Variants in PCDHA10 observed in about 807,000 individuals in gnomAD.
PCDHA10 encodes protocadherin alpha 10, also known as protocadherin alpha-10.
Under a neutral mutation model 61.2 loss-of-function variants are expected in PCDHA10, and 45 were observed. The observed-to-expected ratio is 0.74, with a 90% CI of 0.58 to 0.94. PCDHA10 has a LOEUF of 0.94. PCDHA10 is among the 40% of genes least tolerant of loss of function. The pLI, the probability that PCDHA10 is intolerant of heterozygous loss-of-function variation, is 0.00. For missense variants in PCDHA10, 1,278 were observed against 1,236.2 expected (o/e 1.03, Z -0.51); for synonymous variants, 602 against 548.8 (o/e 1.10, Z -1.35).
At chr5:140,911,066 A>C (rs1166409987) in intron 1 of PCDHA10, among the ~76,000 whole-genome samples, 1 of 152,042 alleles carries the variant, frequency 6.6e-6, no homozygotes, top group Non-Finnish European at 1.5e-5. Flanking sequence ...GTGGGTCCTG[A>C]GGAGAATCAA....
chr5:140,939,466 AT>A (rs1364092543), intron 1 of PCDHA10, among the ~76,000 whole-genome samples: 31 of 152,168 alleles, frequency 2.0e-4, no homozygotes, highest in African/African-American at 7.5e-4. Flanking sequence ...TAGGCCTAGA[AT>A]TCTCTTCATG....
intron 1 of PCDHA10, chr5:140,868,630 T>G (rs1440809892): frequency 6.5e-6 from 1 of 154,578 alleles, no homozygotes; most frequent in Non-Finnish European, 1.4e-5. Context: ...CTGAATTCTC[T>G]TTCTCTCTCA....
In PCDHA10 at chr5:140,857,857, C is replaced by A. The variant is rs1415276512; in HGVS notation, c.1809C>A (p.Asn603Lys). 6.3e-7 allele frequency: 1 copy of A among 1,597,670 alleles called. No individual in the cohort carries two copies. The highest frequency in any genetic ancestry group is 8.6e-7 in the Non-Finnish European group (1 of 1,167,566). ...VRAVDADSGY[N>K]AWLSYELQSA... is the part of the protein sequence containing the mutation. The stretch of plus-strand genomic sequence containing the variant: ...CAGTGGACGCTGACTCTGGATACAA[C>A]GCGTGGCTGTCGTATGAATTGCAGT... Residue 603 changes from asparagine to lysine, a missense_variant, in exon 1 of 4, where the codon AAC becomes AAA. By Grantham distance (94) the Asn-to-Lys change is moderately conservative. Transcript: ENST00000307360.
intron 1 of PCDHA10, among the ~76,000 whole-genome samples, chr5:140,951,512 C>T (rs2094592870): frequency 6.6e-6 from 1 of 152,004 alleles, no homozygotes; most frequent in Non-Finnish European, 1.5e-5. Context: ...GAAAGCGGCT[C>T]ATCTTACATG....
rs185567567 is a variant in PCDHA10, at chr5:140,888,396, T to C, written c.2388+29960T>C. 3.4e-3 allele frequency among the ~76,000 whole-genome samples: 514 copies of C among 152,282 alleles called. 3 individuals are homozygous for C. The highest frequency in any genetic ancestry group is 0.014 in the Middle Eastern group (4 of 294). On this transcript the variant is annotated intron_variant, in intron 1 of 3. Coordinates refer to ENST00000307360, the MANE Select transcript of PCDHA10 (RefSeq NM_018901.4). The stretch of plus-strand genomic sequence containing the variant: ...AGCTCTGAGATGCTGCTAAACACCA[T>C]CCAATTGCTGCCAAACATCCTACCG...
chr5:140,870,395 C>T (rs1554164197), intron 1 of PCDHA10: 1 of 1,614,218 alleles, frequency 6.2e-7, no homozygotes, highest in South Asian at 1.1e-5. Context: ...GATGGGGGTT[C>T]GCCTTCTCTG....
intron 3 of PCDHA10, among the ~76,000 whole-genome samples, chr5:141,000,775 C>G (rs919489031): frequency 5.3e-5 from 8 of 151,752 alleles, no homozygotes; most frequent in African/African-American, 1.9e-4. Context: ...GGCATAGTGG[C>G]GCACACCTGT....
At chr5:140,976,566 A>C (rs2096723160) in intron 1 of PCDHA10, among the ~76,000 whole-genome samples, 2 of 152,098 alleles carry the variant, frequency 1.3e-5, no homozygotes, top group African/African-American at 4.8e-5. Flanking sequence ...TAAATAAATA[A>C]ATATAAATAA....
Position 140,988,156 on chromosome 5 carries a change from C to T in PCDHA10, c.2536+5593C>T, listed in dbSNP as rs546335543. Among the ~76,000 whole-genome samples, 7 of 152,172 alleles carry T rather than the reference C, an allele frequency of 4.6e-5. No individual in the cohort carries two copies. The South Asian group carries it at 1.5e-3, about 32-fold the overall frequency. On this transcript the variant is annotated intron_variant, in intron 3 of 3. Coordinates refer to ENST00000307360, the MANE Select transcript of PCDHA10 (RefSeq NM_018901.4). ...TAACCTGTTCAACCTCAACTTCTGCCGTTGTCATAGCAATGACAGTCCTGG... is the reference window on the plus strand; with the variant it reads ...TAACCTGTTCAACCTCAACTTCTGCTGTTGTCATAGCAATGACAGTCCTGG...
chr5:141,000,365 C>CTG (rs2097904906), intron 3 of PCDHA10, among the ~76,000 whole-genome samples: 2 of 12,832 alleles, frequency 1.6e-4, no homozygotes, highest in Non-Finnish European at 2.6e-4. Flanking sequence ...CTCTCTGTCT[C>CTG]TCTCTCTCTC....
chr5:140,922,786 G>A (rs1397049612), intron 1 of PCDHA10, among the ~76,000 whole-genome samples: 2 of 152,198 alleles, frequency 1.3e-5, no homozygotes, highest in African/African-American at 4.8e-5. Context: ...AGAGAAAACT[G>A]TAGCTTTGGA....
chr5:140,876,259 C>T (rs1554168431), intron 1 of PCDHA10: 7 of 1,613,952 alleles, frequency 4.3e-6, no homozygotes, highest in South Asian at 1.1e-5. Flanking sequence ...AAGAGTGATC[C>T]AACTAAATGC....
At chr5:140,967,749 C>T (rs1554229896) in intron 1 of PCDHA10, 1 of 1,614,172 alleles carries the variant, frequency 6.2e-7, no homozygotes, top group African/African-American at 1.3e-5. Context: ...TATGAGGAAG[C>T]CTCCTCCTAC....
intron 1 of PCDHA10, among the ~76,000 whole-genome samples, chr5:140,908,402 T>C (rs2073951162): frequency 6.6e-6 from 1 of 152,166 alleles, no homozygotes; most frequent in Non-Finnish European, 1.5e-5. Flanking sequence ...TATATACCAC[T>C]TCCATTTGAT....
intron 1 of PCDHA10, chr5:140,877,232 C>A: frequency 6.2e-6 from 10 of 1,613,680 alleles, no homozygotes; most frequent in Non-Finnish European, 7.6e-6. Context: ...TCGGTGGGTG[C>A]GGGCCACGTG....
intron 1 of PCDHA10, chr5:140,882,426 G>A (rs148335988): frequency 6.1e-5 from 99 of 1,613,954 alleles, no homozygotes; most frequent in Non-Finnish European, 7.9e-5. Context: ...CAGGACCTGG[G>A]GCTGGAGCTG....
chr5:140,862,898 CTG>C, intron 1 of PCDHA10: 2 of 555,934 alleles, frequency 3.6e-6, no homozygotes, highest in Non-Finnish European at 3.5e-6. Context: ...ACAACTTTGT[CTG>C]CGCTGCTGGC....
At chr5:140,926,494 C>T (rs565938693) in intron 1 of PCDHA10, 46 of 181,758 alleles carry the variant, frequency 2.5e-4, no homozygotes, top group African/African-American at 1.0e-3. Flanking sequence ...GTGTTAGTGT[C>T]TCGGGGCGTC....
intron 1 of PCDHA10, among the ~76,000 whole-genome samples, chr5:140,903,417 T>C (rs1583492047): frequency 6.6e-6 from 1 of 152,200 alleles, no homozygotes; most frequent in Non-Finnish European, 1.5e-5. Flanking sequence ...CAGGAAAAAT[T>C]CAGCACAATA....
Sources: gnomAD v4.1 joint callset for allele counts (sites outside exome capture counted in the v4.1 genomes callset) on GRCh38, gnomAD v4.1.1 for gene constraint, MANE v1.5 for transcripts, NCBI Gene and HGNC (gene_info 2026-07-23, HGNC 2026-07-21) for gene names.